MOGAT1: variants seen among roughly 807,000 people sequenced by gnomAD.
MOGAT1 encodes the protein 2-acylglycerol O-acyltransferase 1.
A neutral mutation model predicts 31.4 loss-of-function variants in MOGAT1; 32 were observed. The ratio of observed to expected loss-of-function variants is 1.02; its 90% CI spans 0.77 to 1.37. MOGAT1 has a LOEUF of 1.37. Ranked by LOEUF, MOGAT1 falls within the 40% of genes most tolerant of loss-of-function variation. The pLI is 0.00. For missense variants in MOGAT1, 426 were observed against 402.0 expected (o/e 1.06, Z -0.51); for synonymous variants, 145 against 144.5 (o/e 1.00, Z -0.03).
chr2:222,680,578 A>T (rs1327261349), intron 1 of MOGAT1, among the ~76,000 whole-genome samples: 2 of 152,204 alleles, frequency 1.3e-5, no homozygotes, highest in African/African-American at 2.4e-5. Context: ...AGAAATTTTT[A>T]AAATCAGAAG....
Position 222,671,872 on chromosome 2 carries a change from G to A in MOGAT1, c.87G>A (p.Leu29=). The part of the protein sequence containing the change: ...VAVLQWVLKY[L]LLGPMSIGIT... Reference sequence around the variant, plus strand: ...TGCTGCAGTGGGTCCTGAAATACCTGCTGCTCGGTAAGGACCCCGCCCCCC... The same window carrying A: ...TGCTGCAGTGGGTCCTGAAATACCTACTGCTCGGTAAGGACCCCGCCCCCC... The change falls in exon 1 of 6, where the codon CTG becomes CTA. Residue 29 remains leucine (L), a synonymous_variant. Transcript: ENST00000446656. The A allele has an allele frequency of 4.5e-6, 7 of 1,551,174 alleles. No individual in the cohort carries two copies. Among genetic ancestry groups the A allele is most frequent in the Non-Finnish European group, 6.1e-6 (7 of 1,146,858 alleles).
Position 222,689,549 on chromosome 2 carries a change from G to C in MOGAT1, c.478+80G>C, listed in dbSNP as rs1215368615. 4 of 1,332,022 alleles carry C rather than the reference G, an allele frequency of 3.0e-6. No homozygotes were observed. The East Asian group carries it at 9.2e-5, about 31-fold the overall frequency. 82.5% of individuals were successfully genotyped at this position (1,332,022 alleles called of 1,614,324 possible). A position where few individuals can be genotyped will look rare whatever the true frequency, so the allele number is the denominator to read the frequency against. On this transcript the variant is annotated intron_variant, in intron 3 of 5. Coordinates refer to ENST00000446656, the MANE Select transcript of MOGAT1 (RefSeq NM_058165.3). ...AGAACATTCCCTCCCAGGCCCATGTGTGTTTATGGTCTCTTAGAGTAAAAC... is the reference window on the plus strand; with the variant it reads ...AGAACATTCCCTCCCAGGCCCATGTCTGTTTATGGTCTCTTAGAGTAAAAC...
intron 3 of MOGAT1, 89 bp downstream of exon 3, chr2:222,689,558 G>A (rs189194964): frequency 1.1e-5 from 14 of 1,225,772 alleles, no homozygotes; most frequent in Admixed American, 1.8e-5. Context: ...TGTGTTTATG[G>A]TCTCTTAGAG....
rs1692812712 is a variant in MOGAT1, at chr2:222,694,532, C to G, written c.649C>G (p.His217Asp). ...AGGATTTGTTAAAATTGCTTTGACC[C>G]ATGGGTAAGTGGCTTTTTGTATAAA... ...RKGFVKIALTHGASLVPVVSF... is the reference protein window; with the variant it reads ...RKGFVKIALTDGASLVPVVSF... Residue 217 changes from histidine to aspartate, a missense_variant, in exon 4 of 6, where the codon CAT becomes GAT. His to Asp is a moderately conservative substitution (Grantham distance 81, BLOSUM62 -1). Coordinates refer to ENST00000446656, the MANE Select transcript of MOGAT1 (RefSeq NM_058165.3). 2 of 1,612,788 alleles carry G rather than the reference C, an allele frequency of 1.2e-6. No individual in the cohort carries two copies. Among genetic ancestry groups the G allele is most frequent in the Middle Eastern group, 1.7e-4 (1 of 6,058 alleles).
In MOGAT1 at chr2:222,701,398, A is replaced by AAG. The variant is rs552136301; in HGVS notation, c.853+6124_853+6125dup. The stretch of plus-strand genomic sequence containing the variant: ...GGAAGGAAAGAGAAAGAAAGAAAGA[A>AAG]AGAGAGAGAGAGAGAAAAATAAAGA... On this transcript the variant is annotated intron_variant, in intron 5 of 5. Transcript: ENST00000446656. Among the ~76,000 whole-genome samples, 217 of 145,190 alleles carry AAG rather than the reference A, an allele frequency of 1.5e-3. 3 individuals carry two copies. Among genetic ancestry groups the AAG allele is most frequent in the African/African-American group, 5.3e-3 (203 of 38,586 alleles).
At chr2:222,700,745 G>A (rs1692906970) in intron 5 of MOGAT1, among the ~76,000 whole-genome samples, 1 of 152,138 alleles carries the variant, frequency 6.6e-6, no homozygotes. Context: ...AAAGCCATGT[G>A]TCAATCAAAT....
At chr2:222,673,294 T>A (rs575725966) in intron 1 of MOGAT1, among the ~76,000 whole-genome samples, 9 of 122,308 alleles carry the variant, frequency 7.4e-5, no homozygotes, top group Non-Finnish European at 1.5e-4. Flanking sequence ...TTAAGAACTC[T>A]CCGAGTGACT....
At chr2:222,702,540 T>C (rs904750328) in intron 5 of MOGAT1, among the ~76,000 whole-genome samples, 2 of 151,910 alleles carry the variant, frequency 1.3e-5, no homozygotes, top group Non-Finnish European at 2.9e-5. Flanking sequence ...TGTGCACACG[T>C]GCACAAAATG....
intron 1 of MOGAT1, 73 bp from the exon 2 acceptor site, chr2:222,688,271 C>T (rs1692706272): frequency 8.4e-7 from 1 of 1,197,498 alleles, no homozygotes; most frequent in Non-Finnish European, 1.2e-6. Context: ...ATGTATTAAT[C>T]CCCCTGCCAT....
chr2:222,685,598 C>CTTTTT (rs574124301), intron 1 of MOGAT1, among the ~76,000 whole-genome samples: 15 of 120,002 alleles, frequency 1.2e-4, no homozygotes, highest in African/African-American at 2.9e-4. Flanking sequence ...TCTTCTTCTT[C>CTTTTT]TTTTTTTTTT....
At chr2:222,675,481 CTT>C (rs66486955) in intron 1 of MOGAT1, among the ~76,000 whole-genome samples, 5 of 133,352 alleles carry the variant, frequency 3.7e-5, no homozygotes, top group Admixed American at 7.8e-5. Context: ...TTTTCTTTTT[CTT>C]TTTTTTTTTT....
intron 1 of MOGAT1, chr2:222,677,628 G>A (rs1692519227): frequency 3.2e-6 from 1 of 309,404 alleles, no homozygotes; most frequent in African/African-American, 2.3e-5. Flanking sequence ...AGAAAAAGAA[G>A]ATGAGGGCTT....
intron 1 of MOGAT1, among the ~76,000 whole-genome samples, chr2:222,672,446 T>C (rs1692430728): frequency 1.3e-5 from 2 of 152,176 alleles, no homozygotes; most frequent in South Asian, 4.1e-4. Context: ...GGTTTCTCTC[T>C]GGAAATAGTT....
intron 1 of MOGAT1, among the ~76,000 whole-genome samples, chr2:222,684,491 G>A (rs1692632868): frequency 6.6e-6 from 1 of 152,086 alleles, no homozygotes; most frequent in African/African-American, 2.4e-5. Flanking sequence ...ATCTAGAGTG[G>A]GAATTTAAAT....
At position 222,688,350 on chromosome 2, in the gene MOGAT1, T is replaced by C. The variant is rs759882659; in HGVS notation, c.101T>C (p.Met34Thr). 6.2e-7 allele frequency: 1 copy of C among 1,608,058 alleles called. No individual in the cohort carries two copies. The highest frequency in any genetic ancestry group is 1.3e-5 in the African/African-American group (1 of 74,758). ...WVLKYLLLGP[M>T]SIGITVMLII... is the part of the protein sequence containing the mutation. ...ACTTTTTCTTTTCTTACAGGGCCGA[T>C]GTCCATTGGAATCACTGTGATGCTG... The change falls in exon 2 of 6, where the codon ATG becomes ACG. Residue 34 changes from methionine (M) to threonine (T), a missense_variant. Met to Thr is a moderately conservative substitution (Grantham distance 81, BLOSUM62 -1). Transcript: ENST00000446656.
Position 222,695,157 on chromosome 2 carries a change from G to C in MOGAT1, c.722G>C (p.Gly241Ala). 6.2e-7 allele frequency: 1 copy of C among 1,613,520 alleles called. No individual in the cohort carries two copies. The highest frequency in any genetic ancestry group is 8.5e-7 in the Non-Finnish European group (1 of 1,179,672). Residue 241 changes from glycine (G) to alanine (A), a missense_variant, in exon 5 of 6, where the codon GGA becomes GCA. By Grantham distance (60) the Gly-to-Ala change is moderately conservative. Coordinates refer to ENST00000446656, the MANE Select transcript of MOGAT1 (RefSeq NM_058165.3). The stretch of plus-strand genomic sequence containing the variant: ...TTTAAACAAACTGACAACCCTGAAG[G>C]ATCATGGATTAGAACTGTTCAGAAT... ...ELFKQTDNPE[G>A]SWIRTVQNKL...
chr2:222,699,918 T>G (rs1692895535), intron 5 of MOGAT1, among the ~76,000 whole-genome samples: 1 of 152,262 alleles, frequency 6.6e-6, no homozygotes, highest in Non-Finnish European at 1.5e-5. Flanking sequence ...ACATTATTCT[T>G]AAATGCTGTT....
At chr2:222,681,851 C>A (rs758208066) in intron 1 of MOGAT1, among the ~76,000 whole-genome samples, 5 of 152,158 alleles carry the variant, frequency 3.3e-5, no homozygotes, top group Non-Finnish European at 5.9e-5. Flanking sequence ...GTACCTAGCA[C>A]CCCTGTTGAT....
chr2:222,709,433 C>T (rs1346704605), intron 5 of MOGAT1, among the ~76,000 whole-genome samples: 5 of 152,168 alleles, frequency 3.3e-5, no homozygotes, highest in East Asian at 1.9e-4. Context: ...AAGCTGGTGA[C>T]GTGGACACAC....
Sources: gnomAD v4.1 joint callset for allele counts (sites outside exome capture counted in the v4.1 genomes callset) on GRCh38, gnomAD v4.1.1 for gene constraint, MANE v1.5 for transcripts, NCBI Gene and HGNC (gene_info 2026-07-23, HGNC 2026-07-21) for gene names.